Variants in CNTLN observed in about 807,000 individuals in gnomAD.
CNTLN encodes the protein centlein, centrosomal protein.
CNTLN carries 212 observed loss-of-function variants against 180.0 expected under a neutral mutation model. The ratio of observed to expected loss-of-function variants is 1.18; its 90% CI spans 1.05 to 1.32. The LOEUF is 1.32. Ranked by LOEUF, CNTLN falls within the 40% of genes most tolerant of loss-of-function variation. The pLI is 0.00. For synonymous variants in CNTLN, 722 were observed against 563.1 expected (o/e 1.28, Z -3.99); for missense variants, 2,095 against 1,610.9 (o/e 1.30, Z -5.14).
chr9:17,382,356 AAG>A (rs1042465678), intron 13 of CNTLN, among the ~76,000 whole-genome samples: 1 of 152,228 alleles, frequency 6.6e-6, no homozygotes, highest in African/African-American at 2.4e-5. Context: ...ACATACCAAA[AAG>A]AACATCACCA....
rs553996409 is a variant in CNTLN at position 17,188,861 on chromosome 9, A to G, written c.450-37342A>G. Among the ~76,000 whole-genome samples the G allele has an allele frequency of 3.2e-4, 48 of 151,996 alleles. 1 individual carries two copies. Among genetic ancestry groups the G allele is most frequent in the African/African-American group, 1.1e-3 (47 of 41,496 alleles). ...GGTTTTTGAATTGCTTAATTTCATT[A>G]TCTGAGTCATTGACTTTTTTTTCCC... is the stretch of plus-strand genomic sequence containing the variant. On this transcript the variant is annotated intron_variant, in intron 2 of 25. Coordinates refer to ENST00000380647, the MANE Select transcript of CNTLN (RefSeq NM_017738.4).
At chr9:17,359,832 G>A (rs1215060230) in intron 12 of CNTLN, among the ~76,000 whole-genome samples, 11 of 150,458 alleles carry the variant, frequency 7.3e-5, no homozygotes, top group South Asian at 2.1e-4. Flanking sequence ...CCTGGGAGGC[G>A]GAGCTTGCAG....
At chr9:17,508,066 C>G (rs1485295795), downstream of CNTLN, among the ~76,000 whole-genome samples, 1 of 152,096 alleles carries the variant, frequency 6.6e-6, no homozygotes, top group Non-Finnish European at 1.5e-5. Context: ...TTAGAGACTT[C>G]CCTGGGTTCA....
At chr9:17,408,879 G>A (rs1195332469) in intron 15 of CNTLN, among the ~76,000 whole-genome samples, 3 of 151,852 alleles carry the variant, frequency 2.0e-5, no homozygotes, top group African/African-American at 7.3e-5. Context: ...CATAAGGGAT[G>A]GAACTAGAAT....
chr9:17,368,247 A>AGAG (rs1453410937), intron 13 of CNTLN, among the ~76,000 whole-genome samples: 1 of 152,116 alleles, frequency 6.6e-6, no homozygotes, highest in African/African-American at 2.4e-5. Context: ...GACCACAGGC[A>AGAG]GAGACTCCTT....
At chr9:17,403,886 G>A (rs543093598) in intron 15 of CNTLN, among the ~76,000 whole-genome samples, 36 of 151,740 alleles carry the variant, frequency 2.4e-4, no homozygotes, top group African/African-American at 8.7e-4. Flanking sequence ...AGCGATTCTC[G>A]TGCTTCAGCC....
chr9:17,261,594 G>A (rs1266905744), intron 5 of CNTLN, among the ~76,000 whole-genome samples: 1 of 151,306 alleles, frequency 6.6e-6, no homozygotes, highest in Non-Finnish European at 1.5e-5. Context: ...GGTTTTCTAT[G>A]TATAGAATCA....
chr9:17,345,726 AAGATG>A (rs1191548028), intron 12 of CNTLN, among the ~76,000 whole-genome samples: 1 of 152,102 alleles, frequency 6.6e-6, no homozygotes, highest in African/African-American at 2.4e-5. Context: ...ACCTCATCAC[AAGATG>A]TGATAGGTTT....
chr9:17,493,847 C>T (rs1833300663), intron 25 of CNTLN, among the ~76,000 whole-genome samples: 1 of 152,180 alleles, frequency 6.6e-6, no homozygotes, highest in Admixed American at 6.5e-5. Flanking sequence ...GAGATTCATT[C>T]GGTTTCTCCT....
rs77046316 is a variant in CNTLN, at chr9:17,175,895, A to G, written c.449+32519A>G. ...TGATGGTAAATGATACTGTATTTTT[A>G]TGTTTAGTGTCCGTGTTTGCATTAC... On this transcript the variant is annotated intron_variant, in intron 2 of 25. Transcript: ENST00000380647. 2.9e-3 allele frequency among the ~76,000 whole-genome samples: 447 copies of G among 152,116 alleles called. 5 individuals are homozygous for G. Among genetic ancestry groups the G allele is most frequent in the African/African-American group, 0.01 (426 of 41,518 alleles).
chr9:17,216,297 A>T (rs960192575), intron 2 of CNTLN, among the ~76,000 whole-genome samples: 5 of 152,046 alleles, frequency 3.3e-5, no homozygotes, highest in African/African-American at 1.2e-4. Context: ...AATTTTGAAG[A>T]TGTGGTTTGC....
chr9:17,494,058 C>T (rs1833312024), intron 25 of CNTLN, among the ~76,000 whole-genome samples: 1 of 152,172 alleles, frequency 6.6e-6, no homozygotes, highest in Non-Finnish European at 1.5e-5. Context: ...TAATGCATGC[C>T]AAAATGCATT....
chr9:17,455,158 C>T (rs562746076), intron 18 of CNTLN, among the ~76,000 whole-genome samples: 4 of 152,188 alleles, frequency 2.6e-5, no homozygotes, highest in Non-Finnish European at 4.4e-5. Flanking sequence ...AATAGAGCTC[C>T]AGTTATTTGT....
chr9:17,445,580 A>G (rs1463689825), intron 18 of CNTLN, among the ~76,000 whole-genome samples: 1 of 152,194 alleles, frequency 6.6e-6, no homozygotes, highest in African/African-American at 2.4e-5. Flanking sequence ...TGTTAAACAG[A>G]TGCTTGAAGG....
At chr9:17,445,032 A>G (rs1049204928) in intron 18 of CNTLN, among the ~76,000 whole-genome samples, 2 of 152,098 alleles carry the variant, frequency 1.3e-5, no homozygotes, top group African/African-American at 4.8e-5. Context: ...GTTTTTTAAA[A>G]TCCCATTTTA....
chr9:17,406,010 T>C (rs557337759), intron 15 of CNTLN, among the ~76,000 whole-genome samples: 1 of 151,090 alleles, frequency 6.6e-6, no homozygotes, highest in Admixed American at 6.6e-5. Context: ...ACATGTAAAG[T>C]TGACTGTCAA....
chr9:17,187,425 A>AT (rs1302341229), intron 2 of CNTLN, among the ~76,000 whole-genome samples: 4 of 151,782 alleles, frequency 2.6e-5, no homozygotes, highest in East Asian at 1.9e-4. Flanking sequence ...GGAGGGTTTA[A>AT]TTTTTTTTAT....
At chr9:17,456,996 C>G (rs564730619) in intron 18 of CNTLN, among the ~76,000 whole-genome samples, 26 of 152,186 alleles carry the variant, frequency 1.7e-4, no homozygotes, top group African/African-American at 5.8e-4. Flanking sequence ...TAAAACTGAG[C>G]GAGTTTGTTT....
intron 19 of CNTLN, 35 bp from the exon 20 acceptor site, chr9:17,462,881 A>G (rs772108692): frequency 8.5e-7 from 1 of 1,170,644 alleles, no homozygotes. Flanking sequence ...CAAGGTTGTA[A>G]GGTATATTTA....
Sources: allele counts gnomAD v4.1 joint callset (sites outside exome capture counted in the v4.1 genomes callset), GRCh38; gene constraint gnomAD v4.1.1; transcripts MANE v1.5; gene names NCBI Gene and HGNC (gene_info 2026-07-23, HGNC 2026-07-21).